ZCCHC14: variants seen among roughly 807,000 people sequenced by gnomAD.
The protein encoded by ZCCHC14 is zinc finger CCHC domain-containing protein 14.
In ZCCHC14, 16 loss-of-function variants were observed where a neutral mutation model predicts 85.0. The observed-to-expected ratio is 0.19, with a 90% CI of 0.13 to 0.29. The LOEUF (loss-of-function observed/expected upper bound fraction) is 0.29. ZCCHC14 is among the 10% of genes least tolerant of loss of function. The pLI is 1.00. For synonymous variants in ZCCHC14, 775 were observed against 630.7 expected, an observed-to-expected ratio of 1.23 and a Z score of -3.43; for missense variants, 1,303 against 1,443.5, an observed-to-expected ratio of 0.90 and a Z score of 1.58.
At chr16:87,462,797 T>C (rs931584119) in intron 1 of ZCCHC14, among the ~76,000 whole-genome samples, 1 of 142,904 alleles carries the variant, frequency 7.0e-6, no homozygotes, top group Non-Finnish European at 1.5e-5. Context: ...AGGCCAGGCT[T>C]AGTGGCTCAC....
chr16:87,452,541 G>C (rs1361633014), intron 2 of ZCCHC14, among the ~76,000 whole-genome samples: 1 of 152,046 alleles, frequency 6.6e-6, no homozygotes, highest in Non-Finnish European at 1.5e-5. Context: ...AGCCTTTGAG[G>C]GACACAAGAA....
chr16:87,480,537 A>C (rs1912221081), intron 1 of ZCCHC14, among the ~76,000 whole-genome samples: 1 of 152,244 alleles, frequency 6.6e-6, no homozygotes, highest in African/African-American at 2.4e-5. Context: ...AAAGATAAAA[A>C]GTATGAGTTG....
chr16:87,491,725 C>T lies in ZCCHC14; in HGVS notation c.514G>A (p.Gly172Ser). The stretch of plus-strand genomic sequence containing the variant: ...CCGCCCGGCCCGGGCGCGCCCTTGC[C>T]GCCGTGGCCCCCGCCGCCGTTCAGG... ...SSLNGGGGHGGKGAPGPGGAL... is the reference protein window; with the variant it reads ...SSLNGGGGHGSKGAPGPGGAL... The change falls in exon 1 of 13, where the codon GGC (glycine) becomes AGC (serine). Residue 172 changes from glycine to serine, a missense_variant. By Grantham distance (56) the Gly-to-Ser change is moderately conservative. Coordinates refer to ENST00000671377, the MANE Select transcript of ZCCHC14 (RefSeq NM_015144.3). The surrounding 1 kb of genome is among the most constrained non-coding windows in gnomAD (Gnocchi z 5.9). The T allele has an allele frequency of 1.9e-6, 3 of 1,557,144 alleles. No individual in the cohort carries two copies. The highest frequency in any genetic ancestry group is 2.6e-6 in the Non-Finnish European group (3 of 1,157,956).
intron 1 of ZCCHC14, chr16:87,473,199 C>G (rs1597448212): frequency 6.6e-6 from 1 of 151,376 alleles, no homozygotes; most frequent in African/African-American, 2.4e-5. Flanking sequence ...TCTTTATCTA[C>G]AGGACTTTTT....
intron 2 of ZCCHC14, among the ~76,000 whole-genome samples, chr16:87,456,035 T>A (rs893453598): frequency 2.6e-5 from 4 of 152,234 alleles, no homozygotes; most frequent in Admixed American, 2.6e-4. Context: ...ATCTATGCGG[T>A]AAAATGGAAC....
chr16:87,450,377 A>G (rs773506792), intron 2 of ZCCHC14, among the ~76,000 whole-genome samples: 14 of 152,150 alleles, frequency 9.2e-5, no homozygotes, highest in Non-Finnish European at 1.9e-4. Context: ...TCACCATCAC[A>G]CTGATTAAGC....
rs754945321 is a variant in ZCCHC14 at position 87,411,424 on chromosome 16, CAAAG to C, written c.3205+88_3205+91del. On this transcript the variant is annotated intron_variant, in intron 12 of 12. Coordinates refer to ENST00000671377, the MANE Select transcript of ZCCHC14 (RefSeq NM_015144.3). ...AGCATTCGAAAAATTATTTGCTTTA[CAAAG>C]AAAGAAGTTTACTCTTCATAAAAAC... is the stretch of plus-strand genomic sequence containing the variant. 4.5e-6 allele frequency: 7 copies of C among 1,544,434 alleles called. No homozygotes were observed. The South Asian group carries it at 6.1e-5, about 13-fold the overall frequency.
chr16:87,418,768 A>C, intron 7 of ZCCHC14, 79 bp downstream of exon 7: 1 of 1,415,068 alleles, frequency 7.1e-7, no homozygotes, highest in Non-Finnish European at 9.9e-7. Flanking sequence ...TAATTCTTGG[A>C]ACAACTTTAC....
At chr16:87,447,288 G>A (rs776557414) in intron 2 of ZCCHC14, among the ~76,000 whole-genome samples, 8 of 151,944 alleles carry the variant, frequency 5.3e-5, no homozygotes, top group Admixed American at 2.0e-4. Context: ...TGTGTGAAAC[G>A]GCAAGGGGGT....
chr16:87,488,738 T>C (rs1274097574), intron 1 of ZCCHC14, among the ~76,000 whole-genome samples: 1 of 152,152 alleles, frequency 6.6e-6, no homozygotes, highest in African/African-American at 2.4e-5. Context: ...CCACCACTCC[T>C]GGCTAATTTT....
intron 1 of ZCCHC14, chr16:87,470,611 TTG>T (rs529832173): frequency 7.6e-4 from 115 of 152,302 alleles, no homozygotes; most frequent in African/African-American, 2.6e-3. Context: ...AGTCAAAGGT[TTG>T]TGTGTAAGGA....
chr16:87,455,223 G>C (rs1450788382), intron 2 of ZCCHC14, among the ~76,000 whole-genome samples: 1 of 152,156 alleles, frequency 6.6e-6, no homozygotes, highest in Non-Finnish European at 1.5e-5. Context: ...AGGAGGTGGA[G>C]GTTGTGGTGA....
chr16:87,419,774 C>T lies in ZCCHC14; in HGVS notation c.1045+9G>A. ...TTAATTTATATTTAACCATATTTTA[C>T]AAACTCACTTGGACTCTGAAGCTGC... is the stretch of plus-strand genomic sequence containing the variant. On this transcript the variant is annotated intron_variant, in intron 6 of 12. Coordinates refer to ENST00000671377, the MANE Select transcript of ZCCHC14 (RefSeq NM_015144.3). 6.4e-7 allele frequency: 1 copy of T among 1,552,542 alleles called. No homozygotes were observed. Among genetic ancestry groups the T allele is most frequent in the East Asian group, 2.3e-5 (1 of 43,772 alleles).
At chr16:87,452,953 A>C (rs1031908753) in intron 2 of ZCCHC14, among the ~76,000 whole-genome samples, 5 of 152,204 alleles carry the variant, frequency 3.3e-5, no homozygotes, top group Admixed American at 6.5e-5. Context: ...CCAAGTGGAG[A>C]TACCTTGGGG....
At chr16:87,423,765 G>T in intron 4 of ZCCHC14, 45 bp downstream of exon 4, 1 of 1,599,316 alleles carries the variant, frequency 6.3e-7, no homozygotes. Context: ...AGCCACTGGG[G>T]AATGTGATTC....
At position 87,415,613 on chromosome 16, in the gene ZCCHC14, T is replaced by C. The variant is rs188848956; in HGVS notation, c.1384-246A>G. ...TCCCCGGCTCCTCCAGGGCACCTTC[T>C]GTGCAGGCTGTGTGGATGGGTGCAC... is the stretch of plus-strand genomic sequence containing the variant. On this transcript the variant is annotated intron_variant, in intron 8 of 12. Transcript: ENST00000671377. Among the ~76,000 whole-genome samples, 4 of 152,326 alleles carry C rather than the reference T, an allele frequency of 2.6e-5. No homozygotes were observed. In the East Asian group the frequency reaches 7.7e-4, roughly 29 times the overall value.
rs1230276068 is a variant in ZCCHC14 at position 87,491,606 on chromosome 16, T to C, written c.570+63A>G. 3.1e-5 allele frequency: 41 copies of C among 1,329,294 alleles called. No homozygotes were observed. The highest frequency in any genetic ancestry group is 3.9e-5 in the Non-Finnish European group (41 of 1,038,476). The allele number at this position is 1,329,294 out of a possible 1,614,324, so 82.3% of individuals were successfully genotyped here. ...GGGGGTCGCGGTGCAGGCTGGAGGC[T>C]TGGAGTGCAGAGTTGGGGATGCAGA... is the stretch of plus-strand genomic sequence containing the variant. On this transcript the variant is annotated intron_variant, in intron 1 of 12. Coordinates refer to ENST00000671377, the MANE Select transcript of ZCCHC14 (RefSeq NM_015144.3). The surrounding 1 kb of genome is among the most constrained non-coding windows in gnomAD (Gnocchi z 5.9).
intron 9 of ZCCHC14, 124 bp downstream of exon 9, chr16:87,415,152 A>G: frequency 1.4e-6 from 1 of 708,302 alleles, no homozygotes; most frequent in Non-Finnish European, 2.5e-6. Flanking sequence ...AAGCATGGCT[A>G]AGGACTGGAT....
In ZCCHC14 at chr16:87,415,289, G is replaced by A. The variant is rs575384623; in HGVS notation, c.1462C>T (p.Leu488=). The change falls in exon 9 of 13, where the codon CTG becomes TTG. Residue 488 remains leucine, a synonymous_variant. Transcript: ENST00000671377. ...MGAKKKLKTQ[L]ELEKEKSERR... ...CTTCACACTCACTTTTCCAGCTCCA[G>A]CTGGGTCTTGAGCTTCTTCTTTGCC... 4.3e-5 allele frequency: 70 copies of A among 1,613,900 alleles called. 1 individual carries two copies. The South Asian group carries it at 7.2e-4, about 17-fold the overall frequency.
Sources: allele counts gnomAD v4.1 joint callset (sites outside exome capture counted in the v4.1 genomes callset), GRCh38; gene constraint gnomAD v4.1.1; non-coding constraint Gnocchi (gnomAD v3.1); transcripts MANE v1.5; gene names NCBI Gene and HGNC (gene_info 2026-07-23, HGNC 2026-07-21).